Variants in KCNH8 observed in about 807,000 individuals in gnomAD.
KCNH8 encodes the protein voltage-gated delayed rectifier potassium channel KCNH8.
KCNH8 carries 70 observed loss-of-function variants against 103.6 expected under a neutral mutation model. The observed-to-expected ratio is 0.68, with a 90% CI of 0.56 to 0.82. The LOEUF is 0.82. Among genes scored for constraint, KCNH8 ranks in the 40% least tolerant of loss-of-function variants. KCNH8 has a pLI of 0.00. For missense variants in KCNH8, 1,217 were observed against 1,329.9 expected (o/e 0.92, Z 1.32); for synonymous variants, 498 against 489.4 (o/e 1.02, Z -0.23).
intron 11 of KCNH8, among the ~76,000 whole-genome samples, chr3:19,499,857 A>G (rs891038630): frequency 6.6e-6 from 1 of 152,162 alleles, no homozygotes; most frequent in East Asian, 1.9e-4. Context: ...AAAGACCATC[A>G]AGACTAGGAA....
intron 2 of KCNH8, among the ~76,000 whole-genome samples, chr3:19,272,812 A>G (rs1328848979): frequency 6.6e-6 from 1 of 152,048 alleles, no homozygotes; most frequent in Non-Finnish European, 1.5e-5. Context: ...TTTTTCCTAT[A>G]GCATTTAAGA....
At chr3:19,361,128 G>T (rs2065941632) in intron 5 of KCNH8, among the ~76,000 whole-genome samples, 1 of 152,016 alleles carries the variant, frequency 6.6e-6, no homozygotes, top group Non-Finnish European at 1.5e-5. Flanking sequence ...CTCAGACCTG[G>T]AGTGAGATAG....
chr3:19,259,220 T>G (rs530710932), intron 2 of KCNH8, among the ~76,000 whole-genome samples: 151 of 151,454 alleles, frequency 1.0e-3, no homozygotes, highest in African/African-American at 3.5e-3. Flanking sequence ...TGATTCACTG[T>G]TTCATTTTAC....
intron 2 of KCNH8, among the ~76,000 whole-genome samples, chr3:19,255,269 G>A (rs371294029): frequency 6.6e-5 from 10 of 152,190 alleles, no homozygotes; most frequent in East Asian, 3.9e-4. Context: ...AATTTCTATC[G>A]TTTAAGCTAC....
intron 3 of KCNH8, among the ~76,000 whole-genome samples, chr3:19,334,368 GC>G (rs2065553473): frequency 6.6e-6 from 1 of 152,052 alleles, no homozygotes; most frequent in African/African-American, 2.4e-5. Context: ...GGAGGTCGAG[GC>G]TATAGCTTGC....
chr3:19,358,313 CTTTTCTTTCTCTT>C, intron 5 of KCNH8, among the ~76,000 whole-genome samples: 1 of 147,344 alleles, frequency 6.8e-6, no homozygotes. Context: ...CCCTTCCTTT[CTTTTCTTTCTCTT>C]TTTTCTTTCA....
At chr3:19,326,044 T>G (rs529622934) in intron 3 of KCNH8, among the ~76,000 whole-genome samples, 2 of 152,216 alleles carry the variant, frequency 1.3e-5, no homozygotes, top group African/African-American at 2.4e-5. Context: ...GGGACATTGT[T>G]GAGGCTGGAG....
At chr3:19,408,163 A>G (rs537716594) in intron 7 of KCNH8, among the ~76,000 whole-genome samples, 1 of 152,230 alleles carries the variant, frequency 6.6e-6, no homozygotes, top group Admixed American at 6.5e-5. Flanking sequence ...TATAAGTGTC[A>G]TCTATGGGCT....
At chr3:19,419,612 A>G (rs2066921051) in intron 7 of KCNH8, among the ~76,000 whole-genome samples, 1 of 151,874 alleles carries the variant, frequency 6.6e-6, no homozygotes, top group African/African-American at 2.4e-5. Context: ...TTATTTTTTC[A>G]TTGAGATTAG....
chr3:19,432,028 C>T (rs923159888), intron 7 of KCNH8, among the ~76,000 whole-genome samples: 2 of 11,246 alleles, frequency 1.8e-4, no homozygotes, highest in African/African-American at 5.1e-3. Context: ...TATTTTTTAA[C>T]TGCTAGTTTT....
intron 10 of KCNH8, among the ~76,000 whole-genome samples, chr3:19,452,361 A>C (rs2067461988): frequency 6.6e-6 from 1 of 152,090 alleles, no homozygotes; most frequent in South Asian, 2.1e-4. Context: ...CTCCAGCCTG[A>C]GTGCAGAGAG....
intron 7 of KCNH8, among the ~76,000 whole-genome samples, chr3:19,416,878 G>A (rs2066871911): frequency 2.0e-5 from 3 of 152,016 alleles, no homozygotes; most frequent in African/African-American, 4.8e-5. Context: ...CCATAAGCTG[G>A]TAGGTAAATT....
intron 1 of KCNH8, among the ~76,000 whole-genome samples, chr3:19,227,367 A>G (rs998457265): frequency 4.6e-4 from 70 of 152,338 alleles, no homozygotes; most frequent in African/African-American, 1.7e-3. Flanking sequence ...TGGGAGTAAG[A>G]TAGTATACAT....
At chr3:19,301,631 C>G (rs143797319) in intron 3 of KCNH8, among the ~76,000 whole-genome samples, 1 of 152,084 alleles carries the variant, frequency 6.6e-6, no homozygotes, top group African/African-American at 2.4e-5. Context: ...AAGTGGGTGT[C>G]CTGTAATTTA....
chr3:19,161,249 C>G (rs749498267), intron 1 of KCNH8, among the ~76,000 whole-genome samples: 1 of 152,110 alleles, frequency 6.6e-6, no homozygotes, highest in Non-Finnish European at 1.5e-5. Flanking sequence ...GTACTATCGT[C>G]GGTTTTAGGC....
chr3:19,370,054 A>C (rs924584112), intron 5 of KCNH8, among the ~76,000 whole-genome samples: 1 of 152,070 alleles, frequency 6.6e-6, no homozygotes, highest in African/African-American at 2.4e-5. Context: ...TTAACTTTAA[A>C]TAAATGCAGA....
chr3:19,193,338 C>T (rs927029260), intron 1 of KCNH8, among the ~76,000 whole-genome samples: 1 of 151,660 alleles, frequency 6.6e-6, no homozygotes, highest in East Asian at 1.9e-4. Flanking sequence ...AATCTTATCT[C>T]CATGGATACT....
intron 11 of KCNH8, among the ~76,000 whole-genome samples, chr3:19,504,266 G>C (rs904270856): frequency 2.0e-5 from 3 of 152,170 alleles, no homozygotes; most frequent in Non-Finnish European, 4.4e-5. Flanking sequence ...TACCATTCTG[G>C]ACATAGGACC....
chr3:19,490,388 G>A (rs1280157719), intron 11 of KCNH8, among the ~76,000 whole-genome samples: 1 of 152,180 alleles, frequency 6.6e-6, no homozygotes, highest in African/African-American at 2.4e-5. Context: ...CAACTCTAAG[G>A]GTGTCCATGT....
Sources: allele counts gnomAD v4.1 joint callset (sites outside exome capture counted in the v4.1 genomes callset), GRCh38; gene constraint gnomAD v4.1.1; transcripts MANE v1.5; gene names NCBI Gene and HGNC (gene_info 2026-07-23, HGNC 2026-07-21).